PTPRR: variants seen among roughly 807,000 people sequenced by gnomAD.
PTPRR encodes receptor-type tyrosine-protein phosphatase R.
PTPRR carries 38 observed loss-of-function variants against 77.2 expected under a neutral mutation model. The observed-to-expected ratio is 0.49, with a 90% CI of 0.38 to 0.65. The LOEUF is 0.65. Ranked by LOEUF, PTPRR falls within the 30% of genes least tolerant of loss-of-function variation. The pLI is 0.00. For missense variants in PTPRR, 744 were observed against 799.2 expected, an observed-to-expected ratio of 0.93 and a Z score of 0.83; for synonymous variants, 299 against 283.1, an observed-to-expected ratio of 1.06 and a Z score of -0.57.
chr12:70,656,928 A>C, intron 12 of PTPRR, 111 bp from the exon 13 acceptor site: 1 of 699,228 alleles, frequency 1.4e-6, no homozygotes, highest in Non-Finnish European at 2.5e-6. Context: ...AGTAGTATTC[A>C]CATATTGAGT....
At chr12:70,752,299 T>C (rs911583744) in intron 5 of PTPRR, among the ~76,000 whole-genome samples, 1 of 152,188 alleles carries the variant, frequency 6.6e-6, no homozygotes, top group African/African-American at 2.4e-5. Context: ...AGCAATCACC[T>C]ATACTTCTGA....
chr12:70,871,036 T>C lies in PTPRR; in HGVS notation c.357+21643A>G, dbSNP rs1040517619. Among the ~76,000 whole-genome samples, 3 of 152,074 alleles carry C rather than the reference T, an allele frequency of 2.0e-5. No homozygotes were observed. In the South Asian group the frequency reaches 6.2e-4, roughly 31 times the overall value. Reference sequence around the variant, plus strand: ...GAAATCCAAAACCAGCATCACAAACTCAAATGATCTCAGGAGCCAGGAAGG... The same window carrying C: ...GAAATCCAAAACCAGCATCACAAACCCAAATGATCTCAGGAGCCAGGAAGG... On this transcript the variant is annotated intron_variant, in intron 2 of 13. Transcript: ENST00000283228.
chr12:70,769,411 T>C (rs1343804178), intron 2 of PTPRR, among the ~76,000 whole-genome samples: 1 of 152,108 alleles, frequency 6.6e-6, no homozygotes, highest in Non-Finnish European at 1.5e-5. Context: ...CCATTCACAA[T>C]TGCTTCAAAG....
At chr12:70,654,273 A>G (rs1462620908) in intron 13 of PTPRR, among the ~76,000 whole-genome samples, 2 of 152,176 alleles carry the variant, frequency 1.3e-5, no homozygotes, top group Non-Finnish European at 2.9e-5. Flanking sequence ...TGTTGAAAAA[A>G]AAATCTCGAA....
At chr12:70,873,914 T>C (rs1893003906) in intron 2 of PTPRR, among the ~76,000 whole-genome samples, 1 of 152,114 alleles carries the variant, frequency 6.6e-6, no homozygotes, top group Admixed American at 6.5e-5. Context: ...ATAGAATTTG[T>C]CAGGATGTCA....
chr12:70,910,818 C>CT (rs1893688646), intron 1 of PTPRR, among the ~76,000 whole-genome samples: 1 of 152,112 alleles, frequency 6.6e-6, no homozygotes, highest in Non-Finnish European at 1.5e-5. Flanking sequence ...GTGAATTGCC[C>CT]TAGTGAGCTT....
chr12:70,706,657 T>G lies in PTPRR; in HGVS notation c.1008-5334A>C, dbSNP rs537788302. On this transcript the variant is annotated intron_variant, in intron 6 of 13. Coordinates refer to ENST00000283228, the MANE Select transcript of PTPRR (RefSeq NM_002849.4). ...AAAGATGTCTGACCTTTTATATGTGTATAGGACAAGGCAAAATTTACTACA... is the reference window on the plus strand; with the variant it reads ...AAAGATGTCTGACCTTTTATATGTGGATAGGACAAGGCAAAATTTACTACA... Among the ~76,000 whole-genome samples, 23 of 152,192 alleles carry G rather than the reference T, an allele frequency of 1.5e-4. No homozygotes were observed. In the East Asian group the frequency reaches 4.1e-3, roughly 27 times the overall value.
intron 5 of PTPRR, 54 bp from the exon 6 acceptor site, chr12:70,746,140 G>A (rs749362011): frequency 8.6e-6 from 13 of 1,519,926 alleles, no homozygotes; most frequent in East Asian, 2.3e-5. Context: ...CTAAACAAGA[G>A]TATGATCTCC....
chr12:70,642,648 G>A (rs924122642), intron 13 of PTPRR, among the ~76,000 whole-genome samples: 7 of 151,974 alleles, frequency 4.6e-5, no homozygotes, highest in African/African-American at 1.7e-4. Flanking sequence ...ACAATAAAAA[G>A]CACTTACGAG....
At position 70,880,385 on chromosome 12, in the gene PTPRR, C is replaced by T. The variant is rs1893128550; in HGVS notation, c.357+12294G>A. Among the ~76,000 whole-genome samples, 2 of 152,156 alleles carry T rather than the reference C, an allele frequency of 1.3e-5. 1 individual carries two copies. The highest frequency in any genetic ancestry group is 2.9e-5 in the Non-Finnish European group (2 of 68,008). ...TACTGACTCCATAGTTATTCTTCTACCACACAGCTTCTAATTATACCTTGA... is the reference window on the plus strand; with the variant it reads ...TACTGACTCCATAGTTATTCTTCTATCACACAGCTTCTAATTATACCTTGA... On this transcript the variant is annotated intron_variant, in intron 2 of 13. Coordinates refer to ENST00000283228, the MANE Select transcript of PTPRR (RefSeq NM_002849.4).
intron 6 of PTPRR, among the ~76,000 whole-genome samples, chr12:70,744,284 T>A (rs946454352): frequency 8.5e-5 from 13 of 152,172 alleles, no homozygotes; most frequent in African/African-American, 3.1e-4. Context: ...TGACTCCCAG[T>A]TAGCCTTAGG....
At chr12:70,888,967 C>T (rs1893287922) in intron 2 of PTPRR, among the ~76,000 whole-genome samples, 1 of 152,168 alleles carries the variant, frequency 6.6e-6, no homozygotes. Flanking sequence ...AATTTTAAGA[C>T]ATATCCTAGG....
At chr12:70,783,954 C>A (rs1183430561) in intron 2 of PTPRR, among the ~76,000 whole-genome samples, 4 of 152,060 alleles carry the variant, frequency 2.6e-5, no homozygotes, top group Non-Finnish European at 4.4e-5. Context: ...CTGGGCTCAG[C>A]CCCAACCCTG....
At chr12:70,836,390 C>T (rs1039679241) in intron 2 of PTPRR, among the ~76,000 whole-genome samples, 2 of 151,398 alleles carry the variant, frequency 1.3e-5, no homozygotes, top group South Asian at 2.1e-4. Flanking sequence ...AATCTGAATG[C>T]ATACATTACA....
chr12:70,747,150 A>C (rs955050838), intron 5 of PTPRR, among the ~76,000 whole-genome samples: 1 of 152,264 alleles, frequency 6.6e-6, no homozygotes, highest in Non-Finnish European at 1.5e-5. Context: ...TATCATGTGC[A>C]TAGTGTCTAA....
At chr12:70,761,761 A>G in intron 3 of PTPRR, 135 bp from the exon 4 acceptor site, 1 of 638,716 alleles carries the variant, frequency 1.6e-6, no homozygotes, top group Non-Finnish European at 2.4e-6. Flanking sequence ...GATTATATTT[A>G]TTAGTTATTC....
rs1190952599 is a variant in PTPRR, at chr12:70,745,998, A to C, written c.827T>G (p.Leu276Ter). Residue 276 changes from leucine (L) to a stop codon, truncating the protein, a stop_gained, in exon 6 of 14, where the codon TTA (leucine) becomes TGA (stop). Coordinates refer to ENST00000283228, the MANE Select transcript of PTPRR (RefSeq NM_002849.4). LOFTEE classifies it high-confidence loss of function. Reference sequence around the variant, plus strand: ...CTTTGCCTCGGACAGTGCTGGCTGTAATGTGATGGGCGATAGGTGGATCTC... The same window carrying C: ...CTTTGCCTCGGACAGTGCTGGCTGTCATGTGATGGGCGATAGGTGGATCTC... ...NQEIHLSPITLQPALSEAKTV... is the reference protein window; with the variant it reads ...NQEIHLSPIT The C allele has an allele frequency of 6.2e-7, 1 of 1,613,974 alleles. No individual in the cohort carries two copies. Among genetic ancestry groups the C allele is most frequent in the Non-Finnish European group, 8.5e-7 (1 of 1,180,000 alleles).
chr12:70,730,165 A>G (rs569672618), intron 6 of PTPRR, among the ~76,000 whole-genome samples: 1 of 152,264 alleles, frequency 6.6e-6, no homozygotes, highest in South Asian at 2.1e-4. Context: ...TTACTTTTAC[A>G]GTATAGTGCT....
chr12:70,691,336 G>C (rs1274705430), intron 8 of PTPRR, among the ~76,000 whole-genome samples: 1 of 151,996 alleles, frequency 6.6e-6, no homozygotes, highest in Non-Finnish European at 1.5e-5. Context: ...TCTTCCCTTA[G>C]ATTCTGGGAC....
Sources: gnomAD v4.1 joint callset for allele counts (sites outside exome capture counted in the v4.1 genomes callset) on GRCh38, gnomAD v4.1.1 for gene constraint, MANE v1.5 for transcripts, NCBI Gene and HGNC (gene_info 2026-07-23, HGNC 2026-07-21) for gene names.